The following PPEF1 variants were observed in gnomAD, a reference collection of about 807,000 sequenced individuals.
The protein encoded by PPEF1 is serine/threonine-protein phosphatase with EF-hands 1.
Under a neutral mutation model 53.3 loss-of-function variants are expected in PPEF1, and 12 were observed. That is an observed-to-expected ratio of 0.23 (90% CI 0.14 to 0.36). The LOEUF (loss-of-function observed/expected upper bound fraction) is 0.36, where lower values mean the gene tolerates loss of function less well. PPEF1 is among the 10% of genes least tolerant of loss of function. The probability of loss-of-function intolerance (pLI) is 1.00; values close to 1 mark genes in which losing one functional copy is unlikely to be tolerated. For synonymous variants in PPEF1, 165 were observed against 176.7 expected (o/e 0.93, Z 0.52); for missense variants, 334 against 490.4 (o/e 0.68, Z 3.01).
At chrX:18,762,849 C>T (rs746507692) in intron 6 of PPEF1, among the ~76,000 whole-genome samples, 14 of 111,587 alleles carry the variant, frequency 1.3e-4, no homozygotes, top group South Asian at 1.1e-3. Context: ...GCGGTTTCTG[C>T]GTGCTCTGGT....
At chrX:18,762,410 A>G (rs1047378048) in intron 6 of PPEF1, among the ~76,000 whole-genome samples, 4 of 111,912 alleles carry the variant, frequency 3.6e-5, no homozygotes, top group African/African-American at 9.7e-5. Context: ...AAGAAAATAT[A>G]TTCTGATTAT....
At chrX:18,687,982 C>T (rs762265740) in intron 3 of PPEF1, among the ~76,000 whole-genome samples, 36 of 111,562 alleles carry the variant, frequency 3.2e-4, no homozygotes, top group Non-Finnish European at 4.9e-4. Context: ...AGCTACAGCG[C>T]CCGGCCTATT....
chrX:18,821,113 CT>C (rs1183495933), intron 13 of PPEF1, among the ~76,000 whole-genome samples: 1 of 106,701 alleles, frequency 9.4e-6, no homozygotes. Flanking sequence ...GTCCCAGCTA[CT>C]CGGGAGGCTG....
At chrX:18,683,152 G>A (rs1928942173) in intron 1 of PPEF1, among the ~76,000 whole-genome samples, 1 of 111,675 alleles carries the variant, frequency 9.0e-6, no homozygotes, top group Admixed American at 9.4e-5. Flanking sequence ...CGTGGGAATT[G>A]TGGGAGCTAC....
At chrX:18,683,183 T>C (rs1440022447) in intron 1 of PPEF1, among the ~76,000 whole-genome samples, 1 of 111,424 alleles carries the variant, frequency 9.0e-6, no homozygotes, top group African/African-American at 3.3e-5. Flanking sequence ...GAGATTTGGG[T>C]TGCAGCACAG....
intron 3 of PPEF1, among the ~76,000 whole-genome samples, chrX:18,737,495 G>C (rs1459728502): frequency 1.8e-5 from 2 of 111,911 alleles, no homozygotes; most frequent in Non-Finnish European, 3.8e-5. Flanking sequence ...GAGACAGTTT[G>C]TTATAATTTC....
chrX:18,713,791 C>T (rs1390604324), intron 1 of PPEF1, among the ~76,000 whole-genome samples: 1 of 111,618 alleles, frequency 9.0e-6, no homozygotes, highest in African/African-American at 3.3e-5. Flanking sequence ...GATTTCTGAT[C>T]ATCCTAAATG....
In PPEF1 at chrX:18,823,889, C is replaced by T. The variant is rs139785071; in HGVS notation, c.1502-34C>T. Reference sequence around the variant, plus strand: ...TGCATTCTTTAAAATCATATTTTAACAAATCATTTGGGCTTTGTTATTGTT... The same window carrying T: ...TGCATTCTTTAAAATCATATTTTAATAAATCATTTGGGCTTTGTTATTGTT... On this transcript the variant is annotated intron_variant, in intron 13 of 15. Coordinates refer to ENST00000470157, the MANE Select transcript of PPEF1 (RefSeq NM_001377996.1). 1.1e-3 allele frequency: 1,365 copies of T among 1,188,359 alleles called. 6 individuals are homozygous for T. In the African/African-American group the frequency reaches 0.022, roughly 19 times the overall value.
At chrX:18,794,617 G>A (rs1195493064) in intron 10 of PPEF1, among the ~76,000 whole-genome samples, 1 of 112,849 alleles carries the variant, frequency 8.9e-6, no homozygotes, top group African/African-American at 3.2e-5. Flanking sequence ...GGGGGCAGTT[G>A]GGGTCTAGCA....
At chrX:18,705,102 T>C (rs74700129), upstream of PPEF1, among the ~76,000 whole-genome samples, 3,792 of 111,561 alleles carry the variant, frequency 0.034, 116 homozygotes, top group South Asian at 0.16. Context: ...CCTTTTCTCC[T>C]CCTCCTTCCC....
chrX:18,794,423 G>C (rs902402814), intron 10 of PPEF1, among the ~76,000 whole-genome samples: 6 of 112,987 alleles, frequency 5.3e-5, no homozygotes, highest in African/African-American at 1.3e-4. Context: ...TTCTTGACCT[G>C]CCTCACCCCC....
At chrX:18,739,845 TC>T (rs1164218192) in intron 3 of PPEF1, among the ~76,000 whole-genome samples, 1 of 112,156 alleles carries the variant, frequency 8.9e-6, no homozygotes. Flanking sequence ...TGGATGCCCC[TC>T]CCCCACCCTT....
intron 12 of PPEF1, among the ~76,000 whole-genome samples, chrX:18,808,026 G>T (rs1231648725): frequency 9.9e-6 from 1 of 101,439 alleles, no homozygotes; most frequent in Non-Finnish European, 2.0e-5. Flanking sequence ...GAGTGCAGTG[G>T]TGCGATCTCA....
chrX:18,761,652 T>C lies in PPEF1; in HGVS notation c.558+76T>C, dbSNP rs187500793. On this transcript the variant is annotated intron_variant, in intron 6 of 15. Transcript: ENST00000470157. ...CTTAGGGCAGATAACAATATTAGTT[T>C]TACTAGAGATATGTACTAATACAGA... 1.0e-3 allele frequency: 757 copies of C among 751,467 alleles called. 7 individuals carry two copies. The African/African-American group carries it at 0.013, about 13-fold the overall frequency. The allele number at this position is 751,467 out of a possible 1,213,427, so 61.9% of individuals were successfully genotyped here.
intron 4 of PPEF1, among the ~76,000 whole-genome samples, chrX:18,752,605 A>ACTG (rs930937841): frequency 2.7e-5 from 3 of 111,174 alleles, no homozygotes; most frequent in African/African-American, 9.8e-5. Context: ...ATCTTTCACT[A>ACTG]CTGAGTTTAA....
Position 18,757,705 on chromosome X carries a change from A to G in PPEF1, c.475A>G (p.Ile159Val), listed in dbSNP as rs755718041. 1 of 1,210,748 alleles carries G rather than the reference A, an allele frequency of 8.3e-7. No individual in the cohort carries two copies. Among genetic ancestry groups the G allele is most frequent in the South Asian group, 1.8e-5 (1 of 56,925 alleles). Reference protein sequence around the residue: ...VLKQMPNFTHIQTSPSKEVTI... With the variant: ...VLKQMPNFTHVQTSPSKEVTI... ...GAAGCAAATGCCGAATTTCACTCAC[A>G]TACAAACTTCTCCCTCCAAAGAGGT... is the stretch of plus-strand genomic sequence containing the variant. Residue 159 changes from isoleucine (I) to valine (V), a missense_variant, in exon 5 of 16, where the codon ATA becomes GTA. Transcript: ENST00000470157.
chrX:18,782,123 G>T (rs2046098716), intron 7 of PPEF1, among the ~76,000 whole-genome samples: 1 of 111,792 alleles, frequency 8.9e-6, no homozygotes, highest in Admixed American at 9.5e-5. Context: ...TTGTTTCATA[G>T]AAATCTATCT....
Position 18,806,467 on chromosome X carries a change from A to G in PPEF1, c.1316A>G (p.Lys439Arg). ...EEGSNRGAYI[K>R]LCSGTTPRFF... ...GGCAGCAATCGAGGAGCTTACATCAAACTATGTTCTGGTACAACTCCTCGA... is the reference window on the plus strand; with the variant it reads ...GGCAGCAATCGAGGAGCTTACATCAGACTATGTTCTGGTACAACTCCTCGA... Residue 439 changes from lysine (K) to arginine (R), a missense_variant, in exon 12 of 16, where the codon AAA becomes AGA. Physicochemically the swap from Lys to Arg is conservative, Grantham distance 26. Coordinates refer to ENST00000470157, the MANE Select transcript of PPEF1 (RefSeq NM_001377996.1). 1.7e-6 allele frequency: 2 copies of G among 1,208,742 alleles called. No homozygotes were observed. The highest frequency in any genetic ancestry group is 1.1e-6 in the Non-Finnish European group (1 of 892,963).
intron 2 of PPEF1, among the ~76,000 whole-genome samples, chrX:18,733,132 G>T (rs2147378849): frequency 9.0e-6 from 1 of 111,604 alleles, no homozygotes; most frequent in African/African-American, 3.3e-5. Context: ...CTTGATCCGG[G>T]GAGGCGGAGG....
Sources: allele counts gnomAD v4.1 joint callset (sites outside exome capture counted in the v4.1 genomes callset), GRCh38; gene constraint gnomAD v4.1.1; transcripts MANE v1.5; gene names NCBI Gene and HGNC (gene_info 2026-07-23, HGNC 2026-07-21).